Variants in MYO3B observed in about 807,000 individuals in gnomAD.
MYO3B encodes myosin IIIB, also known as myosin-IIIb.
Under a neutral mutation model 174.6 loss-of-function variants are expected in MYO3B, and 156 were observed. The observed-to-expected ratio is 0.89, with a 90% confidence interval of 0.78 to 1.02. The LOEUF (loss-of-function observed/expected upper bound fraction) is 1.02. MYO3B is among the 50% of genes least tolerant of loss of function. The pLI is 0.00. For synonymous variants in MYO3B, 563 were observed against 569.1 expected (o/e 0.99, Z 0.15); for missense variants, 1,632 against 1,639.4 (o/e 1.00, Z 0.08).
chr2:170,467,571 C>T (rs1483862726), intron 25 of MYO3B, among the ~76,000 whole-genome samples: 1 of 151,894 alleles, frequency 6.6e-6, no homozygotes, highest in African/African-American at 2.4e-5. Flanking sequence ...TCTGAGGATG[C>T]CTGGAGAGGA....
At chr2:170,309,617 C>A (rs2093724489) in intron 7 of MYO3B, among the ~76,000 whole-genome samples, 1 of 152,132 alleles carries the variant, frequency 6.6e-6, no homozygotes, top group African/African-American at 2.4e-5. Flanking sequence ...TGCGTGTGCT[C>A]ACTATTTTAT....
chr2:170,332,683 G>C (rs1374940548), intron 7 of MYO3B, among the ~76,000 whole-genome samples: 1 of 152,178 alleles, frequency 6.6e-6, no homozygotes, highest in Non-Finnish European at 1.5e-5. Flanking sequence ...ATGATGCTGG[G>C]CTTCAAAGAA....
rs184690386 is a variant in MYO3B, at chr2:170,422,666, C to T, written c.2650+14822C>T. ...TAGAGGTGGGGTTTCACCATGTTGG[C>T]CAGGCTGGTCTCAAACTGACCTCAG... On this transcript the variant is annotated intron_variant, in intron 22 of 34. Coordinates refer to ENST00000408978, the MANE Select transcript of MYO3B (RefSeq NM_138995.5). Among the ~76,000 whole-genome samples the T allele has an allele frequency of 5.9e-5, 9 of 152,116 alleles. No homozygotes were observed. The East Asian group carries it at 1.7e-3, about 30-fold the overall frequency.
chr2:170,259,035 A>G (rs1469723484), intron 7 of MYO3B, among the ~76,000 whole-genome samples: 1 of 152,170 alleles, frequency 6.6e-6, no homozygotes, highest in African/African-American at 2.4e-5. Flanking sequence ...ATAACTAAAA[A>G]TGAAACACTG....
rs2093413725 is a variant in MYO3B at position 170,269,874 on chromosome 2, T to C, written c.749+33738T>C. Among the ~76,000 whole-genome samples, 5 of 152,210 alleles carry C rather than the reference T, an allele frequency of 3.3e-5. 1 individual carries two copies. The South Asian group carries it at 1.0e-3, about 32-fold the overall frequency. ...CTTATTAAAACACAGATTGCTGGGCTTCCCAGAGTTTCTGATTCAGTAGGT... is the reference window on the plus strand; with the variant it reads ...CTTATTAAAACACAGATTGCTGGGCCTCCCAGAGTTTCTGATTCAGTAGGT... On this transcript the variant is annotated intron_variant, in intron 7 of 34. Coordinates refer to ENST00000408978, the MANE Select transcript of MYO3B (RefSeq NM_138995.5).
chr2:170,472,681 T>C (rs187016590), intron 25 of MYO3B, among the ~76,000 whole-genome samples: 5,547 of 127,074 alleles, frequency 0.044, 182 homozygotes, highest in Admixed American at 0.094. Context: ...ATCTATTTAT[T>C]TATTTATTTA....
intron 30 of MYO3B, among the ~76,000 whole-genome samples, chr2:170,524,941 G>T (rs1273746713): frequency 6.6e-6 from 1 of 152,162 alleles, no homozygotes; most frequent in Non-Finnish European, 1.5e-5. Context: ...TCTGACCACA[G>T]CACTCATTTT....
chr2:170,553,927 C>T (rs968192998), intron 32 of MYO3B, among the ~76,000 whole-genome samples: 1 of 152,132 alleles, frequency 6.6e-6, no homozygotes, highest in Non-Finnish European at 1.5e-5. Flanking sequence ...CTCTGTCCTG[C>T]TGACATGTGA....
intron 7 of MYO3B, among the ~76,000 whole-genome samples, chr2:170,291,919 G>A (rs1244044526): frequency 6.6e-6 from 1 of 151,766 alleles, no homozygotes; most frequent in East Asian, 1.9e-4. Flanking sequence ...GTCTTTTTTG[G>A]GTTGAATCTG....
intron 29 of MYO3B, 120 bp downstream of exon 29, chr2:170,515,142 T>G: frequency 1.3e-6 from 1 of 795,846 alleles, no homozygotes; most frequent in Non-Finnish European, 2.0e-6. Flanking sequence ...TCCTTCTTTT[T>G]TCTATAGGTG....
At chr2:170,480,029 A>ATG (rs57251934) in intron 25 of MYO3B, among the ~76,000 whole-genome samples, 21,494 of 113,730 alleles carry the variant, frequency 0.19, 1,712 homozygotes, top group Middle Eastern at 0.3. Context: ...ACCTATATAT[A>ATG]TGTGTGTGTG....
intron 7 of MYO3B, among the ~76,000 whole-genome samples, chr2:170,253,972 C>A (rs529044763): frequency 6.6e-6 from 1 of 151,922 alleles, no homozygotes; most frequent in Admixed American, 6.5e-5. Flanking sequence ...ACAAAATATG[C>A]AGTAAATCAT....
At chr2:170,485,511 AACT>A (rs1246822397) in intron 25 of MYO3B, among the ~76,000 whole-genome samples, 1 of 151,816 alleles carries the variant, frequency 6.6e-6, no homozygotes, top group African/African-American at 2.4e-5. Context: ...ACCATTTGCC[AACT>A]GCTTTTCTAC....
rs141403548 is a variant in MYO3B, at chr2:170,404,240, C to A, written c.2278-7C>A. ...GCTGGAGAGAATCACAATCCATTTC[C>A]CTCCAGATGGAATATCAGAATGAAG... On this transcript the variant is annotated splice_polypyrimidine_tract_variant and splice_region_variant and intron_variant, in intron 19 of 34. Coordinates refer to ENST00000408978, the MANE Select transcript of MYO3B (RefSeq NM_138995.5). 766 of 1,596,466 alleles carry A rather than the reference C, an allele frequency of 4.8e-4. 15 individuals are homozygous for A. The East Asian group carries it at 0.016, about 34-fold the overall frequency.
chr2:170,237,058 GAAC>G (rs2093078310), intron 7 of MYO3B, among the ~76,000 whole-genome samples: 2 of 152,278 alleles, frequency 1.3e-5, no homozygotes, highest in African/African-American at 4.8e-5. Flanking sequence ...ATCCAGATGT[GAAC>G]AACCACCAAC....
At chr2:170,497,007 G>A (rs1430659850) in intron 25 of MYO3B, among the ~76,000 whole-genome samples, 1 of 152,112 alleles carries the variant, frequency 6.6e-6, no homozygotes, top group South Asian at 2.1e-4. Flanking sequence ...TTTTGGTAAC[G>A]ATGGAGTTCA....
intron 32 of MYO3B, among the ~76,000 whole-genome samples, chr2:170,545,614 A>G (rs1690430104): frequency 1.3e-5 from 2 of 152,246 alleles, no homozygotes; most frequent in African/African-American, 2.4e-5. Flanking sequence ...GACTTGTTGG[A>G]TTACAATAAT....
chr2:170,460,912 T>TAAAA lies in MYO3B; in HGVS notation c.2731-2453_2731-2452insAAAA, dbSNP rs545683692. ...AATTTTCTTATAAGAGTATTCCTTT[T>TAAAA]AAATTGTGTTTCAGCTGAATTAATA... On this transcript the variant is annotated intron_variant, in intron 23 of 34. Transcript: ENST00000408978. Among the ~76,000 whole-genome samples the TAAAA allele has an allele frequency of 2.4e-3, 371 of 152,356 alleles. 4 individuals are homozygous for TAAAA. Among genetic ancestry groups the TAAAA allele is most frequent in the Admixed American group, 0.011 (169 of 15,306 alleles).
intron 1 of MYO3B, chr2:170,180,294 C>A: frequency 6.8e-6 from 2 of 294,758 alleles, no homozygotes; most frequent in Non-Finnish European, 7.4e-6. Context: ...CTCAAATCAG[C>A]TCATGAAAAG....
Sources: gnomAD v4.1 joint callset for allele counts (sites outside exome capture counted in the v4.1 genomes callset) on GRCh38, gnomAD v4.1.1 for gene constraint, MANE v1.5 for transcripts, NCBI Gene and HGNC (gene_info 2026-07-23, HGNC 2026-07-21) for gene names.